Variants in KCNH5 observed in about 807,000 individuals in gnomAD.
The protein encoded by KCNH5 is voltage-gated delayed rectifier potassium channel KCNH5.
A neutral mutation model predicts 96.1 loss-of-function variants in KCNH5; 46 were observed. The ratio of observed to expected loss-of-function variants is 0.48; its 90% CI spans 0.38 to 0.61. KCNH5 has a LOEUF of 0.61. KCNH5 is among the 20% of genes least tolerant of loss of function. The pLI is 0.00. For synonymous variants in KCNH5, 439 were observed against 449.8 expected (o/e 0.98, Z 0.30); for missense variants, 907 against 1,225.8 (o/e 0.74, Z 3.88).
At chr14:63,006,580 A>T in intron 2 of KCNH5, 108 bp from the exon 3 acceptor site, 1 of 662,090 alleles carries the variant, frequency 1.5e-6, no homozygotes, top group Admixed American at 2.3e-5. Flanking sequence ...TAGAAAATAT[A>T]ATATTGCTCC....
At chr14:62,751,854 G>A (rs1005496106) in intron 10 of KCNH5, among the ~76,000 whole-genome samples, 2 of 152,184 alleles carry the variant, frequency 1.3e-5, no homozygotes, top group Non-Finnish European at 2.9e-5. Context: ...GCTTTTTATA[G>A]CTTCCTATGG....
intron 7 of KCNH5, among the ~76,000 whole-genome samples, chr14:62,911,212 A>G (rs1042969386): frequency 3.3e-5 from 5 of 152,040 alleles, no homozygotes; most frequent in Middle Eastern, 3.2e-3. Flanking sequence ...GGAAATGTTG[A>G]TGGTATAAAC....
intron 8 of KCNH5, among the ~76,000 whole-genome samples, chr14:62,839,269 AC>A (rs1887527034): frequency 6.6e-6 from 1 of 152,302 alleles, no homozygotes; most frequent in African/African-American, 2.4e-5. Context: ...ATTTTATGTA[AC>A]AGTCATGTAT....
In KCNH5 at chr14:62,844,377, C is replaced by T. The variant is rs992756220; in HGVS notation, c.1569+5276G>A. ...CAGGTCTTACATTTTTTCACATGTTCCAAAAAGCTGAAAATAAAGTCCCCA... is the reference window on the plus strand; with the variant it reads ...CAGGTCTTACATTTTTTCACATGTTTCAAAAAGCTGAAAATAAAGTCCCCA... On this transcript the variant is annotated intron_variant, in intron 8 of 10. Coordinates refer to ENST00000322893, the MANE Select transcript of KCNH5 (RefSeq NM_139318.5). Among the ~76,000 whole-genome samples the T allele has an allele frequency of 3.3e-5, 5 of 152,126 alleles. No homozygotes were observed. The South Asian group carries it at 1.0e-3, about 32-fold the overall frequency.
intron 1 of KCNH5, among the ~76,000 whole-genome samples, chr14:63,036,926 C>A (rs763151259): frequency 3.3e-5 from 5 of 151,874 alleles, no homozygotes; most frequent in African/African-American, 1.2e-4. Flanking sequence ...TTAAGATTTA[C>A]GAGAAGAATG....
At chr14:62,771,464 C>A (rs1443794947) in intron 10 of KCNH5, among the ~76,000 whole-genome samples, 1 of 151,896 alleles carries the variant, frequency 6.6e-6, no homozygotes, top group Non-Finnish European at 1.5e-5. Context: ...GTCTCTATTA[C>A]AAAACAAAAA....
At chr14:62,960,643 C>T (rs992096676) in intron 6 of KCNH5, among the ~76,000 whole-genome samples, 1 of 152,028 alleles carries the variant, frequency 6.6e-6, no homozygotes, top group African/African-American at 2.4e-5. Flanking sequence ...AGTCCATTTC[C>T]ATTTCCTTTT....
intron 7 of KCNH5, among the ~76,000 whole-genome samples, chr14:62,872,287 A>G (rs1202090437): frequency 6.6e-6 from 1 of 152,256 alleles, no homozygotes; most frequent in Non-Finnish European, 1.5e-5. Flanking sequence ...GAGAATCTCT[A>G]TGATACCTAA....
intron 10 of KCNH5, among the ~76,000 whole-genome samples, chr14:62,710,951 T>C (rs918146977): frequency 4.6e-5 from 7 of 152,322 alleles, no homozygotes; most frequent in Non-Finnish European, 8.8e-5. Flanking sequence ...TATTGGTATA[T>C]AATAGACAAG....
chr14:62,737,351 C>T (rs906992495), intron 10 of KCNH5, among the ~76,000 whole-genome samples: 2 of 152,102 alleles, frequency 1.3e-5, no homozygotes, highest in Non-Finnish European at 2.9e-5. Flanking sequence ...TATCTTGCAC[C>T]TTAGAGGGAG....
At chr14:62,832,801 T>C (rs1887382989) in intron 8 of KCNH5, among the ~76,000 whole-genome samples, 1 of 152,198 alleles carries the variant, frequency 6.6e-6, no homozygotes, top group Non-Finnish European at 1.5e-5. Context: ...ATAGCCATCC[T>C]GGCAGTTGAC....
rs1256584807 is a variant in KCNH5 at position 62,708,554 on chromosome 14, C to T, written c.2020-99G>A. 7 of 675,068 alleles carry T rather than the reference C, an allele frequency of 1.0e-5. No individual in the cohort carries two copies. In the Admixed American group the frequency reaches 1.9e-4, roughly 18 times the overall value. 41.8% of individuals were successfully genotyped at this position (675,068 alleles called of 1,614,324 possible). ...TATGTGCTTTGTGTTACAAAGAAAA[C>T]CCTTGAATATTTGATAAGATTATTT... On this transcript the variant is annotated intron_variant, in intron 10 of 10. Transcript: ENST00000322893.
intron 7 of KCNH5, among the ~76,000 whole-genome samples, chr14:62,897,094 A>T (rs573609915): frequency 6.6e-6 from 1 of 152,192 alleles, no homozygotes; most frequent in Non-Finnish European, 1.5e-5. Context: ...ACACATTTTG[A>T]TCACTAAATT....
At chr14:62,901,556 TTTCA>T (rs1888925967) in intron 7 of KCNH5, among the ~76,000 whole-genome samples, 1 of 152,330 alleles carries the variant, frequency 6.6e-6, no homozygotes, top group South Asian at 2.1e-4. Context: ...AAGAATATAA[TTTCA>T]TTCTTTTTTA....
intron 2 of KCNH5, among the ~76,000 whole-genome samples, chr14:63,013,660 G>A (rs1317532055): frequency 6.6e-6 from 1 of 152,098 alleles, no homozygotes; most frequent in Admixed American, 6.6e-5. Flanking sequence ...AAAGCGATAT[G>A]TAAAAGAATT....
intron 6 of KCNH5, among the ~76,000 whole-genome samples, chr14:62,969,301 C>G (rs1890359444): frequency 6.6e-6 from 1 of 152,058 alleles, no homozygotes. Flanking sequence ...AATACATATG[C>G]TGGAAAAGAA....
At chr14:62,816,579 A>G (rs1480208192) in intron 8 of KCNH5, among the ~76,000 whole-genome samples, 2 of 152,048 alleles carry the variant, frequency 1.3e-5, no homozygotes, top group African/African-American at 4.8e-5. Flanking sequence ...AGTTTGCCTC[A>G]GGAATTTAGT....
intron 1 of KCNH5, among the ~76,000 whole-genome samples, chr14:63,029,448 T>C (rs936842008): frequency 2.6e-5 from 4 of 152,144 alleles, no homozygotes; most frequent in African/African-American, 9.7e-5. Flanking sequence ...CAAAAAGCAT[T>C]TATAAGCTAT....
chr14:63,005,511 A>T (rs1172056217), intron 3 of KCNH5, among the ~76,000 whole-genome samples: 1 of 152,248 alleles, frequency 6.6e-6, no homozygotes, highest in African/African-American at 2.4e-5. Flanking sequence ...ATCAATTTCC[A>T]TCAAAGATAA....
Sources: allele counts gnomAD v4.1 joint callset (sites outside exome capture counted in the v4.1 genomes callset), GRCh38; gene constraint gnomAD v4.1.1; transcripts MANE v1.5; gene names NCBI Gene and HGNC (gene_info 2026-07-23, HGNC 2026-07-21).